The following ZHX2 variants were observed in gnomAD, a reference collection of about 807,000 sequenced individuals.
ZHX2 encodes zinc fingers and homeoboxes protein 2.
A neutral mutation model predicts 21.9 loss-of-function variants in ZHX2; 6 were observed. The observed-to-expected ratio is 0.27, with a 90% CI of 0.15 to 0.54. ZHX2 has a LOEUF of 0.54. ZHX2 is among the 20% of genes least tolerant of loss of function. The pLI, the probability that ZHX2 is intolerant of heterozygous loss-of-function variation, is 0.95. For missense variants in ZHX2, 908 were observed against 1,090.7 expected, an observed-to-expected ratio of 0.83 and a Z score of 2.36; for synonymous variants, 434 against 437.1, an observed-to-expected ratio of 0.99 and a Z score of 0.09.
intron 1 of ZHX2, among the ~76,000 whole-genome samples, chr8:122,807,333 G>A (rs1360332262): frequency 6.6e-6 from 1 of 152,124 alleles, no homozygotes; most frequent in Non-Finnish European, 1.5e-5. Context: ...ATTCCTAACA[G>A]TTTTAATAAT....
intron 2 of ZHX2, among the ~76,000 whole-genome samples, chr8:122,913,986 T>C (rs1452467030): frequency 6.6e-6 from 1 of 152,212 alleles, no homozygotes; most frequent in East Asian, 1.9e-4. Flanking sequence ...ATAGACTCTA[T>C]ATGCTCTCTT....
intron 1 of ZHX2, among the ~76,000 whole-genome samples, chr8:122,808,439 G>T (rs755855596): frequency 2.0e-5 from 3 of 152,096 alleles, no homozygotes; most frequent in Non-Finnish European, 2.9e-5. Flanking sequence ...CAAGCAAAAG[G>T]GGGAAAAGCC....
At chr8:122,873,435 T>C (rs1819492828) in intron 2 of ZHX2, among the ~76,000 whole-genome samples, 1 of 152,194 alleles carries the variant, frequency 6.6e-6, no homozygotes, top group African/African-American at 2.4e-5. Context: ...TCCACTCCCC[T>C]GCAGCCCCTG....
intron 1 of ZHX2, among the ~76,000 whole-genome samples, chr8:122,808,517 C>A (rs537889922): frequency 6.6e-6 from 1 of 152,084 alleles, no homozygotes; most frequent in African/African-American, 2.4e-5. Context: ...TGGGGGTAAC[C>A]GCTCCCATGA....
At chr8:122,819,705 G>A (rs1434865324) in intron 1 of ZHX2, among the ~76,000 whole-genome samples, 3 of 152,176 alleles carry the variant, frequency 2.0e-5, no homozygotes, top group Non-Finnish European at 4.4e-5. Flanking sequence ...CACAGGCATC[G>A]GCATAGAAAG....
intron 1 of ZHX2, among the ~76,000 whole-genome samples, chr8:122,790,586 T>C (rs947760798): frequency 1.3e-5 from 2 of 151,898 alleles, no homozygotes; most frequent in African/African-American, 4.8e-5. Flanking sequence ...CTAAGAGAGG[T>C]TGGGATTCTG....
intron 2 of ZHX2, among the ~76,000 whole-genome samples, chr8:122,929,664 G>A (rs1263546585): frequency 6.6e-6 from 1 of 150,982 alleles, no homozygotes; most frequent in Non-Finnish European, 1.5e-5. Context: ...AAAGACAGTT[G>A]TTGGGAATTC....
chr8:122,795,281 A>T (rs1377620770), intron 1 of ZHX2, among the ~76,000 whole-genome samples: 1 of 152,268 alleles, frequency 6.6e-6, no homozygotes, highest in African/African-American at 2.4e-5. Context: ...AACAGGAAGC[A>T]GTCAAGGCAG....
At chr8:122,831,588 G>A (rs889104189) in intron 1 of ZHX2, among the ~76,000 whole-genome samples, 24 of 152,130 alleles carry the variant, frequency 1.6e-4, no homozygotes, top group African/African-American at 5.8e-4. Context: ...GACAGAAACT[G>A]GCCTTGCACG....
In ZHX2 at chr8:122,822,551, A is replaced by T. The variant is rs920945090; in HGVS notation, c.-283+40605A>T. Among the ~76,000 whole-genome samples, 3 of 152,228 alleles carry T rather than the reference A, an allele frequency of 2.0e-5. No individual in the cohort carries two copies. The East Asian group carries it at 5.8e-4, about 29-fold the overall frequency. ...AGACAGCTTCCCGGAGGAAGTGGTAACTGAGCTGAAAAGATGACTGGTGAA... is the reference window on the plus strand; with the variant it reads ...AGACAGCTTCCCGGAGGAAGTGGTATCTGAGCTGAAAAGATGACTGGTGAA... On this transcript the variant is annotated intron_variant, in intron 1 of 3. Transcript: ENST00000314393.
intron 2 of ZHX2, among the ~76,000 whole-genome samples, chr8:122,913,795 A>T (rs887905426): frequency 1.3e-5 from 2 of 152,140 alleles, no homozygotes; most frequent in Non-Finnish European, 2.9e-5. Flanking sequence ...TGAGCCAGTG[A>T]CCCCCTTACT....
At chr8:122,968,705 A>G (rs1813645548) in intron 3 of ZHX2, among the ~76,000 whole-genome samples, 1 of 151,854 alleles carries the variant, frequency 6.6e-6, no homozygotes. Flanking sequence ...CAGGCATGGT[A>G]GTGAGCGCCT....
At chr8:122,919,540 C>T (rs1203822565) in intron 2 of ZHX2, among the ~76,000 whole-genome samples, 1 of 152,164 alleles carries the variant, frequency 6.6e-6, no homozygotes, top group Non-Finnish European at 1.5e-5. Flanking sequence ...GTGATGGTAC[C>T]ACTCTTGCAA....
intron 2 of ZHX2, among the ~76,000 whole-genome samples, chr8:122,886,230 A>G (rs1018941059): frequency 5.3e-5 from 8 of 152,354 alleles, no homozygotes; most frequent in Admixed American, 6.5e-5. Flanking sequence ...GCCAATCTAA[A>G]AAGGCTAGAT....
chr8:122,850,358 CCGGGCGCAG>C (rs1229884854), intron 1 of ZHX2, among the ~76,000 whole-genome samples: 1 of 152,088 alleles, frequency 6.6e-6, no homozygotes, highest in African/African-American at 2.4e-5. Context: ...CCACTACCGG[CCGGGCGCAG>C]TGGCTCATGC....
At chr8:122,866,254 T>C (rs1349941156) in intron 2 of ZHX2, among the ~76,000 whole-genome samples, 3 of 152,196 alleles carry the variant, frequency 2.0e-5, no homozygotes, top group Non-Finnish European at 2.9e-5. Flanking sequence ...GGTCTGGCTG[T>C]CTCCATGGCT....
intron 1 of ZHX2, among the ~76,000 whole-genome samples, chr8:122,801,627 T>C (rs938539754): frequency 4.7e-5 from 7 of 150,026 alleles, no homozygotes. Flanking sequence ...AGCACACACA[T>C]ATGGTCCCAG....
intron 1 of ZHX2, among the ~76,000 whole-genome samples, chr8:122,818,866 AGATAGAG>A (rs1439680402): frequency 6.6e-6 from 1 of 152,186 alleles, no homozygotes; most frequent in Non-Finnish European, 1.5e-5. Context: ...GGACCTCCAC[AGATAGAG>A]GATGGTGGCT....
At chr8:122,860,399 A>G (rs751552223) in intron 1 of ZHX2, among the ~76,000 whole-genome samples, 1 of 152,242 alleles carries the variant, frequency 6.6e-6, no homozygotes, top group Admixed American at 6.5e-5. Flanking sequence ...TAAATGATAT[A>G]TGCATTTCTG....
Sources: allele counts gnomAD v4.1 joint callset (sites outside exome capture counted in the v4.1 genomes callset), GRCh38; gene constraint gnomAD v4.1.1; transcripts MANE v1.5; gene names NCBI Gene and HGNC (gene_info 2026-07-23, HGNC 2026-07-21).